The following SPAG16 variants were observed in gnomAD, a reference collection of about 807,000 sequenced individuals.
The protein encoded by SPAG16 is sperm-associated antigen 16 protein.
A neutral mutation model predicts 80.4 loss-of-function variants in SPAG16; 86 were observed. The ratio of observed to expected loss-of-function variants is 1.07; its 90% confidence interval spans 0.90 to 1.28. The LOEUF is 1.28. Ranked by LOEUF, SPAG16 falls within the 50% of genes most tolerant of loss-of-function variation. The pLI is 0.00. For missense variants in SPAG16, 870 were observed against 765.3 expected (o/e 1.14, Z -1.61); for synonymous variants, 294 against 265.9 (o/e 1.11, Z -1.03).
At chr2:214,276,802 G>C (rs531149175) in intron 15 of SPAG16, among the ~76,000 whole-genome samples, 1 of 152,238 alleles carries the variant, frequency 6.6e-6, no homozygotes, top group East Asian at 1.9e-4. Flanking sequence ...TATCTTTGTG[G>C]TGTTCTCTTT....
intron 9 of SPAG16, among the ~76,000 whole-genome samples, chr2:213,470,008 C>T (rs756357790): frequency 1.0e-3 from 159 of 152,242 alleles, no homozygotes; most frequent in Admixed American, 2.2e-3. Context: ...AAGAATTTTG[C>T]TAGTGTATCA....
intron 9 of SPAG16, among the ~76,000 whole-genome samples, chr2:213,487,588 C>T (rs985300733): frequency 9.9e-5 from 15 of 151,892 alleles, no homozygotes; most frequent in African/African-American, 1.5e-4. Context: ...AGGGTTTTGC[C>T]GCTCTCGATG....
At chr2:214,065,669 A>G (rs2050497399) in intron 13 of SPAG16, among the ~76,000 whole-genome samples, 1 of 152,174 alleles carries the variant, frequency 6.6e-6, no homozygotes, top group Non-Finnish European at 1.5e-5. Context: ...AGTTTATGTG[A>G]GTTTGTATAC....
intron 15 of SPAG16, among the ~76,000 whole-genome samples, chr2:214,326,680 T>C (rs1696505437): frequency 6.6e-6 from 1 of 152,046 alleles, no homozygotes; most frequent in Admixed American, 6.6e-5. Context: ...GCGCGGTGGC[T>C]CACGCCTGTA....
chr2:213,972,147 G>A (rs1260413287), intron 12 of SPAG16, among the ~76,000 whole-genome samples: 2 of 151,574 alleles, frequency 1.3e-5, no homozygotes, highest in Admixed American at 1.3e-4. Context: ...TTTTCCTAAT[G>A]ATGAAAAATG....
intron 15 of SPAG16, among the ~76,000 whole-genome samples, chr2:214,331,003 T>G (rs1696876447): frequency 6.6e-6 from 1 of 152,220 alleles, no homozygotes; most frequent in Non-Finnish European, 1.5e-5. Context: ...TAGCCCCATG[T>G]AGCAGTTGTT....
At chr2:213,715,222 G>GTGTATCTA (rs2066175985) in intron 10 of SPAG16, among the ~76,000 whole-genome samples, 1 of 110,460 alleles carries the variant, frequency 9.1e-6, no homozygotes, top group Non-Finnish European at 2.2e-5. Flanking sequence ...AGATCTATCT[G>GTGTATCTA]TCTATCTATC....
chr2:214,284,970 T>G (rs1693244928), intron 15 of SPAG16, among the ~76,000 whole-genome samples: 1 of 152,204 alleles, frequency 6.6e-6, no homozygotes, highest in Non-Finnish European at 1.5e-5. Flanking sequence ...TATACTGATT[T>G]TCTTTCTTTG....
chr2:214,059,210 ATATATGTATGTG>A (rs1369187957), intron 13 of SPAG16, among the ~76,000 whole-genome samples: 3 of 82,354 alleles, frequency 3.6e-5, no homozygotes, highest in Non-Finnish European at 4.9e-5. Flanking sequence ...ATATATATAT[ATATATGTATGTG>A]TATATATATA....
At chr2:214,284,374 G>A (rs956625854) in intron 15 of SPAG16, among the ~76,000 whole-genome samples, 27 of 152,176 alleles carry the variant, frequency 1.8e-4, no homozygotes, top group African/African-American at 5.3e-4. Flanking sequence ...AGAACATTGA[G>A]GTCTATACAT....
At position 213,862,586 on chromosome 2, in the gene SPAG16, TTGGCCACACTGAC is replaced by T. The variant is rs775559457; in HGVS notation, c.1177_1189del (p.His393PhefsTer34). On this transcript the variant is annotated frameshift_variant, in exon 11 of 16. Coordinates refer to ENST00000331683, the MANE Select transcript of SPAG16 (RefSeq NM_024532.5). LOFTEE classifies it high-confidence loss of function. ...AAATGCAATGTGCTTCTCACGGGATTTGGCCACACTGACTGGCTTTCAGACTGCTGCTTCCATC... is the reference window on the plus strand; with the variant it reads ...AAATGCAATGTGCTTCTCACGGGATTTGGCTTTCAGACTGCTGCTTCCATC... 1 of 1,614,122 alleles carries T rather than the reference TTGGCCACACTGAC, an allele frequency of 6.2e-7. No homozygotes were observed. Among genetic ancestry groups the T allele is most frequent in the Admixed American group, 1.7e-5 (1 of 60,012 alleles).
intron 10 of SPAG16, among the ~76,000 whole-genome samples, chr2:213,847,584 G>A (rs1385336749): frequency 1.3e-5 from 2 of 152,150 alleles, no homozygotes; most frequent in Non-Finnish European, 2.9e-5. Context: ...ACCTAGCTCC[G>A]TGATCCAAAC....
chr2:213,952,015 T>C (rs1218465439), intron 12 of SPAG16, among the ~76,000 whole-genome samples: 1 of 152,176 alleles, frequency 6.6e-6, no homozygotes, highest in Non-Finnish European at 1.5e-5. Context: ...GTGGCTTTCA[T>C]GATAAATTAA....
intron 10 of SPAG16, among the ~76,000 whole-genome samples, chr2:213,517,343 A>G (rs568363817): frequency 6.6e-6 from 1 of 152,320 alleles, no homozygotes; most frequent in South Asian, 2.1e-4. Flanking sequence ...TTCCATGTTC[A>G]TGGCTTGGAA....
chr2:214,071,165 C>T lies in SPAG16; in HGVS notation c.1528-37031C>T, dbSNP rs552383922. 4.6e-5 allele frequency among the ~76,000 whole-genome samples: 7 copies of T among 152,202 alleles called. No homozygotes were observed. The South Asian group carries it at 1.5e-3, about 32-fold the overall frequency. On this transcript the variant is annotated intron_variant, in intron 13 of 15. Transcript: ENST00000331683. The stretch of plus-strand genomic sequence containing the variant: ...CTTTTGTGATAGATAACTCACAATT[C>T]CACATCCCAAGAAAATAGTGGAGTA...
intron 12 of SPAG16, among the ~76,000 whole-genome samples, chr2:214,010,203 C>T (rs1056903679): frequency 3.4e-5 from 5 of 145,204 alleles, no homozygotes; most frequent in South Asian, 2.2e-4. Context: ...GAAATAAAAG[C>T]TTTTGATTGC....
At chr2:213,330,060 C>T (rs561194305) in intron 5 of SPAG16, among the ~76,000 whole-genome samples, 30 of 152,332 alleles carry the variant, frequency 2.0e-4, no homozygotes, top group Admixed American at 2.6e-4. Context: ...TGTATGGAAA[C>T]GCCTGGATGC....
At chr2:213,823,299 T>G (rs923777546) in intron 10 of SPAG16, among the ~76,000 whole-genome samples, 32 of 152,212 alleles carry the variant, frequency 2.1e-4, no homozygotes, top group African/African-American at 7.0e-4. Flanking sequence ...CAGGGTGGTT[T>G]TGATTTGCAT....
intron 11 of SPAG16, among the ~76,000 whole-genome samples, chr2:213,903,557 T>C (rs2077308962): frequency 6.6e-6 from 1 of 152,082 alleles, no homozygotes; most frequent in Admixed American, 6.6e-5. Flanking sequence ...CTGGCCCTGG[T>C]CCACGAAACC....
Sources: gnomAD v4.1 joint callset for allele counts (sites outside exome capture counted in the v4.1 genomes callset) on GRCh38, gnomAD v4.1.1 for gene constraint, MANE v1.5 for transcripts, NCBI Gene and HGNC (gene_info 2026-07-23, HGNC 2026-07-21) for gene names.